DTWD1: variants seen among roughly 807,000 people sequenced by gnomAD.
DTWD1 encodes the protein tRNA-uridine aminocarboxypropyltransferase 1.
In DTWD1, 27 loss-of-function variants were observed where a neutral mutation model predicts 30.2. The observed-to-expected ratio is 0.90, with a 90% CI of 0.66 to 1.23. The LOEUF is 1.23. Among genes scored for constraint, DTWD1 ranks in the 50% most tolerant of loss-of-function variants. DTWD1 has a pLI of 0.00. For missense variants in DTWD1, 342 were observed against 348.8 expected (o/e 0.98, Z 0.15); for synonymous variants, 99 against 113.1 (o/e 0.88, Z 0.79).
chr15:49,635,983 T>TC (rs1251723978), intron 4 of DTWD1, among the ~76,000 whole-genome samples: 1 of 152,078 alleles, frequency 6.6e-6, no homozygotes, highest in Non-Finnish European at 1.5e-5. Context: ...CATCCAGCTT[T>TC]CCCCACAGCA....
At chr15:49,625,458 A>G (rs1212260789) in intron 2 of DTWD1, 27 bp downstream of exon 2, 1 of 1,588,198 alleles carries the variant, frequency 6.3e-7, no homozygotes, top group African/African-American at 1.4e-5. Flanking sequence ...ATTGTTTGAA[A>G]GTATGAAAAT....
chr15:49,625,095 G>T lies in DTWD1; in HGVS notation c.-55-18G>T. 1.4e-6 allele frequency: 2 copies of T among 1,406,852 alleles called. No individual in the cohort carries two copies. The highest frequency in any genetic ancestry group is 1.4e-5 in the South Asian group (1 of 73,862). 87.1% of individuals were successfully genotyped at this position (1,406,852 alleles called of 1,614,324 possible). On this transcript the variant is annotated intron_variant, in intron 1 of 4. Coordinates refer to ENST00000403028, the MANE Select transcript of DTWD1 (RefSeq NM_001144955.2). ...TTCTGTTTTTATTTTTCCTTCTCTT[G>T]ATACTTTTTTTTTACAGTGCACCTA...
chr15:49,643,246 T>G (rs2079085730), intron 4 of DTWD1, 85 bp from the exon 5 acceptor site: 23 of 1,358,636 alleles, frequency 1.7e-5, no homozygotes, highest in Middle Eastern at 5.5e-4. Context: ...AGAGAAATCA[T>G]TATTATTGTA....
intron 1 of DTWD1, among the ~76,000 whole-genome samples, chr15:49,622,068 G>T (rs1030657955): frequency 2.6e-5 from 4 of 152,152 alleles, no homozygotes; most frequent in African/African-American, 9.7e-5. Flanking sequence ...GGCTGCAGAC[G>T]GCCCATAAAG....
At chr15:49,625,562 A>G (rs905972728) in intron 2 of DTWD1, 131 bp downstream of exon 2, 4 of 1,007,324 alleles carry the variant, frequency 4.0e-6, no homozygotes, top group Non-Finnish European at 4.2e-6. Context: ...TGTTGCTGCA[A>G]AGAAAAACTA....
intron 4 of DTWD1, among the ~76,000 whole-genome samples, chr15:49,637,317 A>G (rs1157608213): frequency 6.6e-6 from 1 of 152,140 alleles, no homozygotes; most frequent in African/African-American, 2.4e-5. Context: ...AAACCCTTCA[A>G]GTACTTCATG....
In DTWD1 at chr15:49,647,026, T is replaced by C. The variant is rs2153354478; in HGVS notation, c.*3448T>C. On this transcript the variant is annotated 3_prime_UTR_variant, in exon 5 of 5. Transcript: ENST00000403028. ...TACCCCAATGTGAGAATTACTGGGG[T>C]AATAAAGGTCTGGAAGGCTGCAGCA... 6.6e-6 allele frequency: 1 copy of C among 152,274 alleles called. No homozygotes were observed. The highest frequency in any genetic ancestry group is 2.4e-5 in the African/African-American group (1 of 41,564). The allele number at this position is 152,274 out of a possible 1,614,324, so 9.4% of individuals were successfully genotyped here. A position where few individuals can be genotyped will look rare whatever the true frequency, so the allele number is the denominator to read the frequency against.
intron 4 of DTWD1, among the ~76,000 whole-genome samples, chr15:49,637,187 T>C (rs1042459489): frequency 3.3e-5 from 5 of 152,152 alleles, no homozygotes; most frequent in African/African-American, 1.2e-4. Context: ...ATTATGATCT[T>C]ATGGATTTTC....
chr15:49,637,936 T>A (rs1387279706), intron 4 of DTWD1, among the ~76,000 whole-genome samples: 4 of 152,194 alleles, frequency 2.6e-5, no homozygotes, highest in Non-Finnish European at 5.9e-5. Context: ...GCGCTTTGTG[T>A]CTTATGTGTG....
intron 3 of DTWD1, among the ~76,000 whole-genome samples, chr15:49,632,794 G>A (rs1050068807): frequency 2.6e-5 from 4 of 151,944 alleles, no homozygotes; most frequent in Admixed American, 2.6e-4. Context: ...CTCATTTTTA[G>A]ATTCTTAATT....
In DTWD1 at chr15:49,646,913, T is replaced by A. The variant is rs995957117; in HGVS notation, c.*3335T>A. ...TTTAGGGTCTCTTTTTCTAGGGAAGTCAGGTGTTTTAGTCTGGATTTAGTT... is the reference window on the plus strand; with the variant it reads ...TTTAGGGTCTCTTTTTCTAGGGAAGACAGGTGTTTTAGTCTGGATTTAGTT... On this transcript the variant is annotated 3_prime_UTR_variant, in exon 5 of 5. Coordinates refer to ENST00000403028, the MANE Select transcript of DTWD1 (RefSeq NM_001144955.2). 6.6e-6 allele frequency: 1 copy of A among 152,164 alleles called. No homozygotes were observed. The highest frequency in any genetic ancestry group is 2.4e-5 in the African/African-American group (1 of 41,448). The allele number at this position is 152,164 out of a possible 1,614,324, so 9.4% of individuals were successfully genotyped here.
At chr15:49,631,870 G>A (rs1255745575) in intron 2 of DTWD1, among the ~76,000 whole-genome samples, 4 of 152,214 alleles carry the variant, frequency 2.6e-5, no homozygotes, top group Non-Finnish European at 4.4e-5. Context: ...AAGAATTGGA[G>A]TTAATATAAC....
At chr15:49,626,690 T>A (rs1017375197) in intron 2 of DTWD1, 1 of 382,896 alleles carries the variant, frequency 2.6e-6, no homozygotes, top group African/African-American at 2.1e-5. Flanking sequence ...TAAAGTTCAT[T>A]TGAATTTGAA....
rs1201978500 is a variant in DTWD1 at position 49,645,605 on chromosome 15, G to A, written c.*2027G>A. On this transcript the variant is annotated 3_prime_UTR_variant, in exon 5 of 5. Transcript: ENST00000403028. ...CTCTAGGCTAAATTTGGACTTCCCT[G>A]AGCCAAAATCTATTGCATTTAACTG... 2 of 151,644 alleles carry A rather than the reference G, an allele frequency of 1.3e-5. No homozygotes were observed. Among genetic ancestry groups the A allele is most frequent in the Non-Finnish European group, 2.9e-5 (2 of 67,946 alleles). 9.4% of individuals were successfully genotyped at this position (151,644 alleles called of 1,614,324 possible).
chr15:49,640,700 T>TGTTC (rs1402783892), intron 4 of DTWD1, among the ~76,000 whole-genome samples: 2 of 151,612 alleles, frequency 1.3e-5, no homozygotes, highest in African/African-American at 4.8e-5. Context: ...ATAATTACAT[T>TGTTC]GTTTATTTGG....
At chr15:49,623,538 T>C (rs1188674199) in intron 1 of DTWD1, 2 of 152,144 alleles carry the variant, frequency 1.3e-5, no homozygotes, top group African/African-American at 2.4e-5. Flanking sequence ...GCTAGTATTA[T>C]AGGCATGAGC....
intron 3 of DTWD1, among the ~76,000 whole-genome samples, chr15:49,633,037 T>TTATATCTATATCTATATCTATATATA (rs1555588541): frequency 1.3e-5 from 1 of 76,698 alleles, no homozygotes; most frequent in African/African-American, 3.2e-5. Context: ...ACTTTCCTAT[T>TTATATCTATATCTATATCTATATATA]TATATCTATA....
At position 49,649,425 on chromosome 15, in the gene DTWD1, A is replaced by C. The variant is rs1198498757; in HGVS notation, c.*5847A>C. The C allele has an allele frequency of 2.6e-5, 4 of 152,156 alleles. No individual in the cohort carries two copies. The East Asian group carries it at 7.7e-4, about 29-fold the overall frequency. The allele number at this position is 152,156 out of a possible 1,614,324, so 9.4% of individuals were successfully genotyped here. A position where few individuals can be genotyped will look rare whatever the true frequency, so the allele number is the denominator to read the frequency against. On this transcript the variant is annotated 3_prime_UTR_variant, in exon 5 of 5. Coordinates refer to ENST00000403028, the MANE Select transcript of DTWD1 (RefSeq NM_001144955.2). ...AGTAAAACGGAGAAGGAAACCAAAA[A>C]CCAAAAAAGAGAGCATTAAGAAGTC...
chr15:49,629,340 A>G (rs535192373), intron 2 of DTWD1, among the ~76,000 whole-genome samples: 1 of 152,188 alleles, frequency 6.6e-6, no homozygotes, highest in African/African-American at 2.4e-5. Context: ...TTTTTCTTTT[A>G]TCATATAATT....
Sources: gnomAD v4.1 joint callset for allele counts (sites outside exome capture counted in the v4.1 genomes callset) on GRCh38, gnomAD v4.1.1 for gene constraint, MANE v1.5 for transcripts, NCBI Gene and HGNC (gene_info 2026-07-23, HGNC 2026-07-21) for gene names.